DMD: variants seen among roughly 807,000 people sequenced by gnomAD.
The protein encoded by DMD is mutant dystrophin.
DMD carries 63 observed loss-of-function variants against 330.1 expected under a neutral mutation model. The ratio of observed to expected loss-of-function variants is 0.19; its 90% CI spans 0.16 to 0.24. DMD has a LOEUF of 0.24. Ranked by LOEUF, DMD falls within the 10% of genes least tolerant of loss-of-function variation. DMD has a pLI of 1.00. For missense variants in DMD, 3,344 were observed against 2,684.1 expected (o/e 1.25, Z -5.43); for synonymous variants, 1,223 against 959.8 (o/e 1.27, Z -5.07).
At chrX:32,649,445 C>T in intron 9 of DMD, among the ~76,000 whole-genome samples, 1 of 106,580 alleles carries the variant, frequency 9.4e-6, no homozygotes, top group Admixed American at 1.0e-4. Flanking sequence ...CCCAGTTACT[C>T]GGGAGGCTGA....
intron 55 of DMD, among the ~76,000 whole-genome samples, chrX:31,601,844 T>C (rs2077382582): frequency 9.0e-6 from 1 of 111,088 alleles, no homozygotes; most frequent in Non-Finnish European, 1.9e-5. Context: ...AAAAATCATA[T>C]CGGTTTCTTA....
At chrX:32,361,082 A>T (rs2097831856) in intron 37 of DMD, among the ~76,000 whole-genome samples, 1 of 110,735 alleles carries the variant, frequency 9.0e-6, no homozygotes, top group Non-Finnish European at 1.9e-5. Context: ...ATTTATCCAA[A>T]GATAATACCT....
intron 77 of DMD, among the ~76,000 whole-genome samples, chrX:31,133,805 G>T (rs747885997): frequency 7.2e-5 from 8 of 111,763 alleles, no homozygotes; most frequent in Non-Finnish European, 1.1e-4. Context: ...TTGCTCTTCA[G>T]TAAAGGGCAC....
chrX:33,218,658 A>G (rs2052104438), intron 1 of DMD, among the ~76,000 whole-genome samples: 1 of 111,721 alleles, frequency 9.0e-6, no homozygotes, highest in East Asian at 2.8e-4. Flanking sequence ...ATTTTACAAA[A>G]TTTGGTATTT....
intron 1 of DMD, among the ~76,000 whole-genome samples, chrX:33,122,894 C>T (rs761483706): frequency 1.8e-5 from 2 of 112,060 alleles, no homozygotes; most frequent in Non-Finnish European, 3.8e-5. Context: ...CAGTTTATTT[C>T]ATGTTCTTCC....
chrX:33,218,919 C>G (rs1232912548), intron 1 of DMD, among the ~76,000 whole-genome samples: 1 of 111,175 alleles, frequency 9.0e-6, no homozygotes, highest in African/African-American at 3.3e-5. Flanking sequence ...TTTTTGATTA[C>G]GATATTTTTA....
chrX:31,162,296 T>C (rs1212952177), intron 74 of DMD, among the ~76,000 whole-genome samples: 1 of 92,628 alleles, frequency 1.1e-5, no homozygotes, highest in East Asian at 3.5e-4. Context: ...TCAATTCTAC[T>C]GTAGAGGGAC....
At chrX:33,249,579 A>G (rs1032201886) in intron 1 of DMD, among the ~76,000 whole-genome samples, 1 of 111,890 alleles carries the variant, frequency 8.9e-6, no homozygotes, top group African/African-American at 3.3e-5. Flanking sequence ...TATGTTAAAG[A>G]TACATTGCAC....
intron 41 of DMD, among the ~76,000 whole-genome samples, chrX:32,332,315 G>A (rs973610942): frequency 9.2e-6 from 1 of 109,227 alleles, no homozygotes; most frequent in African/African-American, 3.3e-5. Context: ...TTCTAGGTAG[G>A]GAAATAAATA....
chrX:32,540,754 G>T (rs964185725), intron 17 of DMD, among the ~76,000 whole-genome samples: 1 of 111,680 alleles, frequency 9.0e-6, no homozygotes, highest in African/African-American at 3.3e-5. Flanking sequence ...TGGCATGAAG[G>T]CATACAACAA....
intron 55 of DMD, among the ~76,000 whole-genome samples, chrX:31,594,969 G>A (rs1220251668): frequency 9.0e-6 from 1 of 111,149 alleles, no homozygotes; most frequent in Non-Finnish European, 1.9e-5. Flanking sequence ...ATAAAACATT[G>A]ATCATATAAA....
chrX:32,025,782 T>C (rs1361592602), intron 44 of DMD, among the ~76,000 whole-genome samples: 1 of 111,738 alleles, frequency 8.9e-6, no homozygotes, highest in African/African-American at 3.3e-5. Flanking sequence ...GTTAGCACCT[T>C]CATGACCTTG....
intron 74 of DMD, among the ~76,000 whole-genome samples, chrX:31,148,209 A>G (rs1569347451): frequency 8.9e-6 from 1 of 111,900 alleles, no homozygotes; most frequent in Non-Finnish European, 1.9e-5. Flanking sequence ...GTTTGCCTGT[A>G]TTTTTCTTTC....
intron 42 of DMD, among the ~76,000 whole-genome samples, chrX:32,306,393 C>T (rs1451934636): frequency 9.0e-6 from 1 of 111,037 alleles, no homozygotes; most frequent in Non-Finnish European, 1.9e-5. Context: ...TACCAGCTTT[C>T]CCTTGTGGTC....
intron 1 of DMD, among the ~76,000 whole-genome samples, chrX:33,233,207 C>T (rs2052419551): frequency 9.0e-6 from 1 of 110,816 alleles, no homozygotes; most frequent in Non-Finnish European, 1.9e-5. Flanking sequence ...TATTAATTGT[C>T]AATGAAAAAG....
chrX:32,890,470 A>G (rs1417538354), intron 2 of DMD, among the ~76,000 whole-genome samples: 2 of 110,243 alleles, frequency 1.8e-5, no homozygotes, highest in Non-Finnish European at 3.8e-5. Flanking sequence ...TTATCTGGGA[A>G]AAGCCACACC....
At chrX:33,066,019 TA>T (rs1479875534) in intron 1 of DMD, among the ~76,000 whole-genome samples, 1 of 105,022 alleles carries the variant, frequency 9.5e-6, no homozygotes, top group Non-Finnish European at 1.9e-5. Flanking sequence ...TTGACACAAC[TA>T]AATTTTGCTT....
At chrX:32,706,901 G>C (rs777936358) in intron 7 of DMD, among the ~76,000 whole-genome samples, 1 of 110,937 alleles carries the variant, frequency 9.0e-6, no homozygotes, top group East Asian at 2.9e-4. Flanking sequence ...AGACCAGCCT[G>C]GCCAAGATGG....
intron 41 of DMD, among the ~76,000 whole-genome samples, chrX:32,338,428 G>T (rs1160604665): frequency 5.5e-5 from 6 of 110,014 alleles, no homozygotes; most frequent in African/African-American, 1.7e-4. Flanking sequence ...ATGTTTGAGG[G>T]ATTAATTATA....
Sources: allele counts gnomAD v4.1 joint callset (sites outside exome capture counted in the v4.1 genomes callset), GRCh38; gene constraint gnomAD v4.1.1; transcripts MANE v1.5; gene names NCBI Gene and HGNC (gene_info 2026-07-23, HGNC 2026-07-21).